The following SEPTIN7 variants were observed in gnomAD, a reference collection of about 807,000 sequenced individuals.
SEPTIN7 encodes the protein septin 7.
A neutral mutation model predicts 63.3 loss-of-function variants in SEPTIN7; 10 were observed. The observed-to-expected ratio is 0.16, with a 90% CI of 0.10 to 0.27. SEPTIN7 has a LOEUF of 0.27. SEPTIN7 is among the 10% of genes least tolerant of loss of function. SEPTIN7 has a pLI of 1.00. For synonymous variants in SEPTIN7, 131 were observed against 165.3 expected (o/e 0.79, Z 1.59); for missense variants, 310 against 521.0 (o/e 0.59, Z 3.94).
chr7:35,854,703 T>TA (rs1255968570), intron 3 of SEPTIN7, among the ~76,000 whole-genome samples: 6 of 152,310 alleles, frequency 3.9e-5, no homozygotes, highest in South Asian at 4.1e-4. Context: ...TCCCAATCAC[T>TA]ATATTTGCAG....
chr7:35,896,793 T>C (rs1261517290), intron 11 of SEPTIN7, among the ~76,000 whole-genome samples: 2 of 152,240 alleles, frequency 1.3e-5, no homozygotes, highest in Non-Finnish European at 2.9e-5. Context: ...AGTTTTCTTT[T>C]AGTGAAGAAA....
intron 10 of SEPTIN7, among the ~76,000 whole-genome samples, chr7:35,886,719 A>T (rs1365422462): frequency 6.6e-6 from 1 of 152,084 alleles, no homozygotes; most frequent in African/African-American, 2.4e-5. Context: ...ACCTCTACCC[A>T]CTTTCCCAAA....
At chr7:35,915,047 ATATG>A in the SEPTIN7 span, among the ~76,000 whole-genome samples, 1 of 151,742 alleles carries the variant, frequency 6.6e-6, no homozygotes, top group Non-Finnish European at 1.5e-5. Context: ...ATATATGTAT[ATATG>A]TATATATACA....
intron 1 of SEPTIN7, among the ~76,000 whole-genome samples, chr7:35,805,839 C>G (rs1016655347): frequency 6.6e-6 from 1 of 152,192 alleles, no homozygotes; most frequent in African/African-American, 2.4e-5. Context: ...AATGGACTTT[C>G]CTGAAGTTGT....
At chr7:35,842,148 A>G (rs1784436503) in intron 3 of SEPTIN7, among the ~76,000 whole-genome samples, 1 of 152,162 alleles carries the variant, frequency 6.6e-6, no homozygotes, top group Non-Finnish European at 1.5e-5. Flanking sequence ...GAAGTTTTCA[A>G]GTATTACATT....
intron 3 of SEPTIN7, among the ~76,000 whole-genome samples, chr7:35,855,219 T>TA (rs1184902829): frequency 2.0e-5 from 3 of 152,198 alleles, no homozygotes; most frequent in African/African-American, 7.2e-5. Flanking sequence ...TGTGTGTGTA[T>TA]ATACACTGAA....
At chr7:35,908,926 A>G (rs553388729), downstream of SEPTIN7, among the ~76,000 whole-genome samples, 1 of 152,304 alleles carries the variant, frequency 6.6e-6, no homozygotes, top group South Asian at 2.1e-4. Flanking sequence ...GATCTCTTTC[A>G]TATTTAAATA....
intron 1 of SEPTIN7, among the ~76,000 whole-genome samples, chr7:35,813,288 CT>C (rs1324336388): frequency 6.6e-6 from 1 of 151,968 alleles, no homozygotes; most frequent in African/African-American, 2.4e-5. Context: ...ATATTAAAAA[CT>C]TTTAGGTCAT....
At chr7:35,835,063 T>C (rs1293710892) in intron 3 of SEPTIN7, among the ~76,000 whole-genome samples, 1 of 152,176 alleles carries the variant, frequency 6.6e-6, no homozygotes, top group Non-Finnish European at 1.5e-5. Context: ...GAGTGACTTA[T>C]TTGTATCAAA....
downstream of SEPTIN7, among the ~76,000 whole-genome samples, chr7:35,909,024 G>A (rs1788690401): frequency 6.6e-6 from 1 of 152,204 alleles, no homozygotes; most frequent in South Asian, 2.1e-4. Flanking sequence ...GGTGAGTGAA[G>A]TAATGAGCAC....
At position 35,905,121 on chromosome 7, in the gene SEPTIN7, T is replaced by A. The variant is rs1583663297; in HGVS notation, c.*828T>A. 2 of 152,598 alleles carry A rather than the reference T, an allele frequency of 1.3e-5. No homozygotes were observed. The highest frequency in any genetic ancestry group is 6.5e-5 in the Admixed American group (1 of 15,282). 9.5% of individuals were successfully genotyped at this position (152,598 alleles called of 1,614,324 possible). On this transcript the variant is annotated 3_prime_UTR_variant, in exon 14 of 14. Coordinates refer to ENST00000350320, the MANE Select transcript of SEPTIN7 (RefSeq NM_001788.6). ...ATTTATAGATCATTTCTAGGCAAAA[T>A]TGTGAAGCTAATGACCAACCTGTTT...
At chr7:35,854,155 A>AT (rs1785087308) in intron 3 of SEPTIN7, among the ~76,000 whole-genome samples, 1 of 152,112 alleles carries the variant, frequency 6.6e-6, no homozygotes, top group Non-Finnish European at 1.5e-5. Flanking sequence ...AATTTGAAAA[A>AT]GCCCCAAATC....
intron 4 of SEPTIN7, among the ~76,000 whole-genome samples, chr7:35,869,450 G>T (rs1437664625): frequency 6.6e-6 from 1 of 152,124 alleles, no homozygotes; most frequent in East Asian, 1.9e-4. Context: ...AGTATCTCAG[G>T]CCATTCCAAT....
intron 1 of SEPTIN7, among the ~76,000 whole-genome samples, chr7:35,828,990 C>G (rs1225190121): frequency 6.6e-6 from 1 of 152,122 alleles, no homozygotes; most frequent in Non-Finnish European, 1.5e-5. Context: ...GTCTTCCTAT[C>G]ATGCCTAAAA....
chr7:35,859,680 G>A (rs1785401633), intron 3 of SEPTIN7, among the ~76,000 whole-genome samples: 1 of 152,204 alleles, frequency 6.6e-6, no homozygotes, highest in African/African-American at 2.4e-5. Flanking sequence ...CTGATGTTTG[G>A]TGTATGTTTT....
rs1284756024 is a variant in SEPTIN7 at position 35,890,913 on chromosome 7, C to T, written c.998+120C>T. Reference sequence around the variant, plus strand: ...GAAAATTTGGATAATGTTCTTTATGCACAGCAGCATAAATTTATATTGTTA... The same window carrying T: ...GAAAATTTGGATAATGTTCTTTATGTACAGCAGCATAAATTTATATTGTTA... On this transcript the variant is annotated intron_variant, in intron 11 of 13. Transcript: ENST00000350320. The T allele has an allele frequency of 3.8e-5, 30 of 790,594 alleles. No homozygotes were observed. In the South Asian group the frequency reaches 8.1e-4, roughly 21 times the overall value. 49.0% of individuals were successfully genotyped at this position (790,594 alleles called of 1,614,324 possible).
At chr7:35,801,419 G>T in intron 1 of SEPTIN7, 149 bp downstream of exon 1, 1 of 974,392 alleles carries the variant, frequency 1.0e-6, no homozygotes, top group Non-Finnish European at 1.4e-6. Flanking sequence ...TGCGGGCCCG[G>T]GGCGCGGCAG....
intron 3 of SEPTIN7, among the ~76,000 whole-genome samples, chr7:35,859,074 C>G (rs1371566462): frequency 6.6e-6 from 1 of 152,032 alleles, no homozygotes; most frequent in Admixed American, 6.5e-5. Flanking sequence ...TCTTCTTTTT[C>G]TAGTTCCTTA....
intron 6 of SEPTIN7, among the ~76,000 whole-genome samples, chr7:35,874,687 G>A (rs1292840737): frequency 6.6e-6 from 1 of 151,874 alleles, no homozygotes; most frequent in Non-Finnish European, 1.5e-5. Flanking sequence ...CTTTTTTATA[G>A]ATAGGTCAAT....
Sources: gnomAD v4.1 joint callset for allele counts (sites outside exome capture counted in the v4.1 genomes callset) on GRCh38, gnomAD v4.1.1 for gene constraint, MANE v1.5 for transcripts, NCBI Gene and HGNC (gene_info 2026-07-23, HGNC 2026-07-21) for gene names.